NOTCH2NLB: variants seen among roughly 807,000 people sequenced by gnomAD.
NOTCH2NLB encodes notch homolog 2 N-terminal-like protein B.
Under a neutral mutation model 14.8 loss-of-function variants are expected in NOTCH2NLB, and 1 was observed. That is an observed-to-expected ratio of 0.07 (90% CI 0.02 to 0.32). The LOEUF is 0.32. NOTCH2NLB is among the 10% of genes least tolerant of loss of function. NOTCH2NLB has a pLI of 1.00. For missense variants in NOTCH2NLB, 11 were observed against 155.0 expected, an observed-to-expected ratio of 0.07 and a Z score of 4.93; for synonymous variants, 6 against 57.5, an observed-to-expected ratio of 0.10 and a Z score of 4.05.
chr1:148,651,163 ATATATATATAT>A (rs1386395817), intron 1 of NOTCH2NLB, among the ~76,000 whole-genome samples: 2 of 36,742 alleles, frequency 5.4e-5, no homozygotes, highest in African/African-American at 1.7e-4. Flanking sequence ...AAAAAAAAAA[ATATATATATAT>A]ATATATATAT....
At chr1:148,633,162 G>A (rs1469831971) in intron 2 of NOTCH2NLB, among the ~76,000 whole-genome samples, 10 of 126,936 alleles carry the variant, frequency 7.9e-5, no homozygotes, top group Admixed American at 6.8e-4. Context: ...ACCCTAATAC[G>A]CAATAATGTT....
intron 2 of NOTCH2NLB, among the ~76,000 whole-genome samples, chr1:148,628,382 C>A (rs1353706230): frequency 9.9e-6 from 1 of 101,258 alleles, no homozygotes; most frequent in Admixed American, 9.2e-5. Context: ...CTTTCCATTC[C>A]CCAATGTTGG....
chr1:148,675,406 G>A (rs1203599416), intron 1 of NOTCH2NLB, among the ~76,000 whole-genome samples: 1 of 62 alleles, frequency 0.016, no homozygotes, highest in Admixed American at 0.056. Flanking sequence ...ATAATTGTTC[G>A]ACTGAACAAG....
intron 2 of NOTCH2NLB, among the ~76,000 whole-genome samples, chr1:148,638,337 A>C (rs1371183186): frequency 6.7e-6 from 1 of 149,416 alleles, no homozygotes; most frequent in Non-Finnish European, 1.5e-5. Context: ...AATGCATAAG[A>C]CTAAGACCTC....
intron 1 of NOTCH2NLB, among the ~76,000 whole-genome samples, chr1:148,673,817 C>G: frequency 7.4e-6 from 1 of 135,828 alleles, no homozygotes; most frequent in Non-Finnish European, 1.6e-5. Context: ...AAAACAAACA[C>G]TTTGATTTCC....
At chr1:148,627,675 T>C (rs1287027531) in intron 2 of NOTCH2NLB, among the ~76,000 whole-genome samples, 1 of 151,936 alleles carries the variant, frequency 6.6e-6, no homozygotes, top group Non-Finnish European at 1.5e-5. Context: ...AAAATTTCAT[T>C]GTCTCAACTT....
At chr1:148,636,593 TC>T (rs1254627934) in intron 2 of NOTCH2NLB, among the ~76,000 whole-genome samples, 18 of 104,798 alleles carry the variant, frequency 1.7e-4, no homozygotes, top group African/African-American at 1.1e-3. Context: ...ATATTTATTT[TC>T]TATTTTGTGA....
chr1:148,609,058 A>G (rs1336770898), intron 3 of NOTCH2NLB, among the ~76,000 whole-genome samples: 3 of 128,450 alleles, frequency 2.3e-5, no homozygotes, highest in Non-Finnish European at 4.9e-5. Flanking sequence ...TAAGTAGCTT[A>G]TTATTTAAAC....
In NOTCH2NLB at chr1:148,673,758, A is replaced by T. The variant is rs1370131274; in HGVS notation, c.3+5704T>A. Among the ~76,000 whole-genome samples the T allele has an allele frequency of 9.9e-5, 15 of 150,892 alleles. No homozygotes were observed. The East Asian group carries it at 2.8e-3, about 28-fold the overall frequency. ...TCCAAGGGGGAAAAATGACCACAGG[A>T]TCTAGCCAAAGCAACCTGTCTCTAA... On this transcript the variant is annotated intron_variant, in intron 1 of 4. Transcript: ENST00000593495.
At position 148,610,317 on chromosome 1, in the gene NOTCH2NLB, AAG is replaced by A. The variant is rs1290853880; in HGVS notation, c.338-2574_338-2573del. On this transcript the variant is annotated intron_variant, in intron 3 of 4. Coordinates refer to ENST00000593495, the Ensembl canonical transcript of NOTCH2NLB. ...AGAGGGAAAGAGAGAGAAAGAGAGA[AAG>A]AGAGAGAAAGAAAGAAAGAAAGAAA... Among the ~76,000 whole-genome samples the A allele has an allele frequency of 3.8e-4, 25 of 66,092 alleles. 2 individuals are homozygous for A. Among genetic ancestry groups the A allele is most frequent in the African/African-American group, 1.3e-3 (18 of 14,400 alleles). 43.4% of individuals were successfully genotyped at this position (66,092 alleles called of 152,430 possible). A position where few individuals can be genotyped will look rare whatever the true frequency, so the allele number is the denominator to read the frequency against.
chr1:148,685,829 C>CAAA, the NOTCH2NLB span, among the ~76,000 whole-genome samples: 10 of 67,280 alleles, frequency 1.5e-4, no homozygotes, highest in African/African-American at 5.9e-4. Context: ...ACCCTGTCTC[C>CAAA]AAAAAAAAAA....
chr1:148,693,094 C>G, the NOTCH2NLB span, among the ~76,000 whole-genome samples: 2 of 116,866 alleles, frequency 1.7e-5, no homozygotes, highest in East Asian at 2.6e-4. Flanking sequence ...AGCCGCCCCC[C>G]CCCCCCCACC....
downstream of NOTCH2NLB, among the ~76,000 whole-genome samples, chr1:148,604,660 A>AGG (rs1663449328): frequency 7.2e-6 from 1 of 139,422 alleles, no homozygotes; most frequent in Non-Finnish European, 1.6e-5. Context: ...TGCATTATGA[A>AGG]AAGGACTTTT....
upstream of NOTCH2NLB, among the ~76,000 whole-genome samples, chr1:148,680,736 A>AT (rs1232326512): frequency 2.0e-5 from 3 of 146,402 alleles, no homozygotes; most frequent in South Asian, 2.2e-4. Context: ...ATTTATGTAT[A>AT]TTTTTTTCAA....
chr1:148,606,467 CTTTT>C (rs1663512588), downstream of NOTCH2NLB, among the ~76,000 whole-genome samples: 1 of 145,430 alleles, frequency 6.9e-6, no homozygotes, highest in African/African-American at 2.8e-5. Flanking sequence ...AGTTTTCCTT[CTTTT>C]GTTTTTGTAC....
chr1:148,637,585 A>T (rs1227179912), intron 2 of NOTCH2NLB, among the ~76,000 whole-genome samples: 10 of 148,448 alleles, frequency 6.7e-5, no homozygotes, highest in East Asian at 3.9e-4. Context: ...AATTTTTTTT[A>T]AATTTTGCTT....
At chr1:148,633,149 C>T (rs1664142825) in intron 2 of NOTCH2NLB, among the ~76,000 whole-genome samples, 1 of 127,208 alleles carries the variant, frequency 7.9e-6, no homozygotes, top group Non-Finnish European at 1.6e-5. Flanking sequence ...AAATTGAGAA[C>T]AGACCCTAAT....
chr1:148,679,704 C>A lies in NOTCH2NLB; in HGVS notation c.-240G>T, dbSNP rs1269680563. 17 of 1,025,482 alleles carry A rather than the reference C, an allele frequency of 1.7e-5. 4 individuals carry two copies. The South Asian group carries it at 4.0e-4, about 24-fold the overall frequency. 63.5% of individuals were successfully genotyped at this position (1,025,482 alleles called of 1,614,324 possible). A position where few individuals can be genotyped will look rare whatever the true frequency, so the allele number is the denominator to read the frequency against. ...TGCCTCGACTCCCCGCGCCCGGAGT[C>A]CGCCGCTCCTCGGCCGCCGCCTCAG... On this transcript the variant is annotated 5_prime_UTR_variant, in exon 1 of 5. Coordinates refer to ENST00000593495, the Ensembl canonical transcript of NOTCH2NLB.
intron 1 of NOTCH2NLB, among the ~76,000 whole-genome samples, chr1:148,651,100 GC>G (rs1664491145): frequency 1.6e-5 from 2 of 121,790 alleles, no homozygotes; most frequent in South Asian, 5.6e-4. Context: ...CCGAGATTGT[GC>G]CACTGCACTC....
Sources: gnomAD v4.1 joint callset for allele counts (sites outside exome capture counted in the v4.1 genomes callset) on GRCh38, gnomAD v4.1.1 for gene constraint, MANE v1.5 for transcripts, NCBI Gene and HGNC (gene_info 2026-07-23, HGNC 2026-07-21) for gene names.